Variants in ABCC9 observed in about 807,000 individuals in gnomAD.
ABCC9 encodes the protein ATP-binding cassette sub-family C member 9.
ABCC9 carries 95 observed loss-of-function variants against 188.3 expected under a neutral mutation model. That is an observed-to-expected ratio of 0.50 (90% confidence interval 0.43 to 0.60). The LOEUF (loss-of-function observed/expected upper bound fraction) is 0.60, where lower values mean the gene tolerates loss of function less well. Ranked by LOEUF, ABCC9 falls within the 20% of genes least tolerant of loss-of-function variation. ABCC9 has a pLI of 0.00. For missense variants in ABCC9, 1,102 were observed against 1,876.3 expected, an observed-to-expected ratio of 0.59 and a Z score of 7.62; for synonymous variants, 659 against 652.7, an observed-to-expected ratio of 1.01 and a Z score of -0.15.
At chr12:21,830,663 C>T (rs902488414) in intron 30 of ABCC9, among the ~76,000 whole-genome samples, 5 of 152,230 alleles carry the variant, frequency 3.3e-5, no homozygotes, top group African/African-American at 1.2e-4. Flanking sequence ...TCAATCTGAT[C>T]ATTCCAATAT....
intron 16 of ABCC9, among the ~76,000 whole-genome samples, chr12:21,876,105 C>G (rs1036612602): frequency 1.3e-5 from 2 of 151,920 alleles, no homozygotes; most frequent in Non-Finnish European, 2.9e-5. Context: ...AGACTCAACC[C>G]AAGGTAGAAC....
chr12:21,937,909 G>T (rs1949555510), intron 2 of ABCC9: 1 of 152,106 alleles, frequency 6.6e-6, no homozygotes, highest in South Asian at 2.1e-4. Flanking sequence ...AAAACAAGTA[G>T]CAGTTTAAGA....
intron 15 of ABCC9, 64 bp from the exon 16 acceptor site, chr12:21,882,937 C>T: frequency 8.1e-7 from 1 of 1,237,058 alleles, no homozygotes; most frequent in Non-Finnish European, 1.2e-6. Context: ...TTTTACTGAA[C>T]ACTTACTCAC....
intron 2 of ABCC9, among the ~76,000 whole-genome samples, chr12:21,938,534 G>A (rs2138090832): frequency 6.6e-6 from 1 of 152,144 alleles, no homozygotes; most frequent in Admixed American, 6.5e-5. Context: ...GAATTTTTTA[G>A]ACTACTTCCT....
intron 30 of ABCC9, among the ~76,000 whole-genome samples, chr12:21,830,288 C>T (rs1943683689): frequency 6.6e-6 from 1 of 152,028 alleles, no homozygotes; most frequent in African/African-American, 2.4e-5. Context: ...ATTATTTTTC[C>T]TGAATAACAG....
At chr12:21,908,444 T>G (rs1349968167) in intron 10 of ABCC9, among the ~76,000 whole-genome samples, 1 of 152,028 alleles carries the variant, frequency 6.6e-6, no homozygotes, top group Non-Finnish European at 1.5e-5. Flanking sequence ...TAGGAATGTA[T>G]TTTTAGTATG....
intron 4 of ABCC9, among the ~76,000 whole-genome samples, chr12:21,933,322 C>T (rs1214873546): frequency 1.3e-5 from 2 of 152,000 alleles, no homozygotes; most frequent in South Asian, 2.1e-4. Flanking sequence ...AACAAACCTC[C>T]GTGACTCAAG....
chr12:21,837,813 TAG>T (rs1944178526), intron 30 of ABCC9, among the ~76,000 whole-genome samples: 1 of 152,182 alleles, frequency 6.6e-6, no homozygotes, highest in Non-Finnish European at 1.5e-5. Flanking sequence ...AAACCAAGGT[TAG>T]AGAATTCAGA....
At chr12:21,862,210 C>G (rs1160342664) in intron 20 of ABCC9, among the ~76,000 whole-genome samples, 2 of 152,046 alleles carry the variant, frequency 1.3e-5, no homozygotes, top group Non-Finnish European at 2.9e-5. Context: ...CTAAATGTCT[C>G]CATATATATG....
intron 2 of ABCC9, 104 bp from the exon 3 acceptor site, chr12:21,936,798 C>A (rs1949507968): frequency 1.2e-6 from 1 of 822,230 alleles, no homozygotes; most frequent in East Asian, 2.7e-5. Context: ...AAATTAATCC[C>A]TTTTACTTTG....
Position 21,910,947 on chromosome 12 carries a change from A to G in ABCC9, c.1043T>C (p.Leu348Pro), listed in dbSNP as rs876661339. ...AACTGCTAGAACGTAAGCGTTTTCAAGAAATTCCTTTGATGAGAGGGTTTC... is the reference window on the plus strand; with the variant it reads ...AACTGCTAGAACGTAAGCGTTTTCAGGAAATTCCTTTGATGAGAGGGTTTC... ...ISETLSSKEF[L>P]ENAYVLAVLL... is the part of the protein sequence containing the mutation. Residue 348 changes from leucine to proline, a missense_variant, in exon 9 of 40, where the codon CTT becomes CCT. Transcript: ENST00000261200. 1.2e-6 allele frequency: 2 copies of G among 1,612,332 alleles called. No individual in the cohort carries two copies. The highest frequency in any genetic ancestry group is 2.7e-5 in the African/African-American group (2 of 74,852).
intron 31 of ABCC9, chr12:21,827,418 T>C (rs1291283857): frequency 1.8e-6 from 1 of 550,722 alleles, no homozygotes. Flanking sequence ...GAAAACCAGA[T>C]ACAAAGGTAA....
At position 21,917,118 on chromosome 12, in the gene ABCC9, A is replaced by G. The variant is rs1299590339; in HGVS notation, c.407-15T>C. ...CAGGAACAGGGCTGAAAAGAAAAAG[A>G]CAAAAAGAGAAAGATGCAATCTTTT... On this transcript the variant is annotated splice_polypyrimidine_tract_variant and intron_variant, in intron 5 of 39. Coordinates refer to ENST00000261200, the MANE Select transcript of ABCC9 (RefSeq NM_020297.4). 2 of 1,612,726 alleles carry G rather than the reference A, an allele frequency of 1.2e-6. No homozygotes were observed. Among genetic ancestry groups the G allele is most frequent in the African/African-American group, 2.7e-5 (2 of 74,884 alleles).
intron 22 of ABCC9, among the ~76,000 whole-genome samples, chr12:21,857,530 CTG>C: frequency 6.6e-6 from 1 of 152,186 alleles, no homozygotes; most frequent in East Asian, 1.9e-4. Context: ...GAACCTGTGA[CTG>C]TGTTACCTTA....
chr12:21,840,594 A>C (rs2137357191), intron 29 of ABCC9, among the ~76,000 whole-genome samples: 1 of 152,322 alleles, frequency 6.6e-6, no homozygotes, highest in East Asian at 1.9e-4. Flanking sequence ...ATCAGTGTTG[A>C]GAAGGCAAGG....
intron 4 of ABCC9, among the ~76,000 whole-genome samples, chr12:21,926,782 A>G (rs2138006133): frequency 6.6e-6 from 1 of 152,342 alleles, no homozygotes; most frequent in East Asian, 1.9e-4. Context: ...GGGTATTGCA[A>G]GCAATTCAGC....
At chr12:21,813,603 T>G (rs1488196814) in intron 35 of ABCC9, among the ~76,000 whole-genome samples, 1 of 152,162 alleles carries the variant, frequency 6.6e-6, no homozygotes, top group Non-Finnish European at 1.5e-5. Flanking sequence ...AGTGTTTTAA[T>G]GAAAAATGTC....
intron 36 of ABCC9, 53 bp from the exon 37 acceptor site, chr12:21,810,008 A>G: frequency 9.0e-7 from 1 of 1,112,230 alleles, no homozygotes; most frequent in African/African-American, 1.5e-5. Context: ...AGAAACTTTT[A>G]TGTATATTTG....
intron 7 of ABCC9, among the ~76,000 whole-genome samples, chr12:21,915,397 TGTATGTGTATATAG>T (rs1430167428): frequency 2.1e-5 from 3 of 143,430 alleles, no homozygotes; most frequent in Non-Finnish European, 4.5e-5. Context: ...TGTGTATATA[TGTATGTGTATATAG>T]ACACGTGTAT....
Sources: gnomAD v4.1 joint callset for allele counts (sites outside exome capture counted in the v4.1 genomes callset) on GRCh38, gnomAD v4.1.1 for gene constraint, MANE v1.5 for transcripts, NCBI Gene and HGNC (gene_info 2026-07-23, HGNC 2026-07-21) for gene names.